The following ST6GALNAC3 variants were observed in gnomAD, a reference collection of about 807,000 sequenced individuals.
ST6GALNAC3 encodes the protein ST6 N-acetylgalactosaminide alpha-2,6-sialyltransferase 3, also known as alpha-N-acetylgalactosaminide alpha-2,6-sialyltransferase 3.
Under a neutral mutation model 32.7 loss-of-function variants are expected in ST6GALNAC3, and 25 were observed. The observed-to-expected ratio is 0.76, with a 90% CI of 0.56 to 1.07. ST6GALNAC3 has a LOEUF of 1.07. ST6GALNAC3 is among the 50% of genes least tolerant of loss of function. ST6GALNAC3 has a pLI of 0.00. For missense variants in ST6GALNAC3, 355 were observed against 382.4 expected (o/e 0.93, Z 0.60); for synonymous variants, 129 against 133.1 (o/e 0.97, Z 0.21).
At chr1:76,470,922 T>A (rs1438010946) in intron 3 of ST6GALNAC3, among the ~76,000 whole-genome samples, 1 of 152,102 alleles carries the variant, frequency 6.6e-6, no homozygotes, top group East Asian at 1.9e-4. Flanking sequence ...GGTAGCCAGG[T>A]CCTTTACAGA....
intron 1 of ST6GALNAC3, among the ~76,000 whole-genome samples, chr1:76,251,241 T>A (rs976040321): frequency 2.0e-5 from 3 of 152,162 alleles, no homozygotes; most frequent in Non-Finnish European, 2.9e-5. Context: ...CTATTCCCAC[T>A]CCTTCGTGTA....
In ST6GALNAC3 at chr1:76,412,437, G is replaced by A. The variant is rs755659437; in HGVS notation, c.623+20G>A. ...GGACAGGTGAGCCCTCTCTGAAGCA[G>A]CTTTATTGTCTTTTATTATCTTTTA... On this transcript the variant is annotated intron_variant, in intron 3 of 4. Transcript: ENST00000328299. The A allele has an allele frequency of 5.6e-5, 87 of 1,559,290 alleles. No individual in the cohort carries two copies. The highest frequency in any genetic ancestry group is 7.2e-5 in the Non-Finnish European group (83 of 1,156,492).
chr1:76,239,731 G>A (rs1478090301), intron 1 of ST6GALNAC3, among the ~76,000 whole-genome samples: 1 of 152,146 alleles, frequency 6.6e-6, no homozygotes, highest in Non-Finnish European at 1.5e-5. Flanking sequence ...TTCAACATGA[G>A]ATTTGGAGGG....
chr1:76,444,184 G>A (rs1359235680), intron 3 of ST6GALNAC3, among the ~76,000 whole-genome samples: 2 of 152,132 alleles, frequency 1.3e-5, no homozygotes, highest in African/African-American at 4.8e-5. Flanking sequence ...CATGGCAGGC[G>A]GTCTTCCACA....
At chr1:76,279,880 G>C (rs1570674158) in intron 1 of ST6GALNAC3, among the ~76,000 whole-genome samples, 1 of 152,162 alleles carries the variant, frequency 6.6e-6, no homozygotes, top group Non-Finnish European at 1.5e-5. Context: ...ACAGCGCACA[G>C]ATATAGGTTA....
chr1:76,365,852 A>G, intron 2 of ST6GALNAC3, among the ~76,000 whole-genome samples: 1 of 152,110 alleles, frequency 6.6e-6, no homozygotes. Context: ...TTTTGTGTCA[A>G]CCGTATTGAT....
chr1:76,325,570 T>A (rs1367405971), intron 2 of ST6GALNAC3, among the ~76,000 whole-genome samples: 1 of 151,462 alleles, frequency 6.6e-6, no homozygotes, highest in Non-Finnish European at 1.5e-5. Flanking sequence ...TTTCCAATAG[T>A]GTTTAATGAT....
chr1:76,444,978 G>T (rs1374825754), intron 3 of ST6GALNAC3, among the ~76,000 whole-genome samples: 1 of 152,192 alleles, frequency 6.6e-6, no homozygotes, highest in Non-Finnish European at 1.5e-5. Context: ...CACAGCTGCT[G>T]ATTTGTCTGA....
chr1:76,315,128 A>T (rs1434214697), intron 2 of ST6GALNAC3, among the ~76,000 whole-genome samples: 1 of 152,054 alleles, frequency 6.6e-6, no homozygotes, highest in East Asian at 1.9e-4. Context: ...AGAATCTTTG[A>T]TGTTTATCCT....
At chr1:76,367,123 T>C (rs569613250) in intron 2 of ST6GALNAC3, among the ~76,000 whole-genome samples, 1 of 152,202 alleles carries the variant, frequency 6.6e-6, no homozygotes, top group African/African-American at 2.4e-5. Flanking sequence ...AAATAGGAGT[T>C]AATACCAAAA....
chr1:76,297,607 A>G (rs893918846), intron 1 of ST6GALNAC3, among the ~76,000 whole-genome samples: 1 of 152,040 alleles, frequency 6.6e-6, no homozygotes, highest in African/African-American at 2.4e-5. Flanking sequence ...CTAGCTGTTA[A>G]TTTGAGCAAA....
chr1:76,339,247 C>T (rs898384788), intron 2 of ST6GALNAC3, among the ~76,000 whole-genome samples: 3 of 152,112 alleles, frequency 2.0e-5, no homozygotes, highest in Admixed American at 6.5e-5. Flanking sequence ...GAAGATTCCC[C>T]TGAATTTTCT....
chr1:76,601,640 A>T (rs1464061089), intron 3 of ST6GALNAC3, among the ~76,000 whole-genome samples: 1 of 152,230 alleles, frequency 6.6e-6, no homozygotes, highest in Non-Finnish European at 1.5e-5. Context: ...CTAATGAGGT[A>T]GGGATAATAA....
At chr1:76,358,474 C>A (rs1477366356) in intron 2 of ST6GALNAC3, among the ~76,000 whole-genome samples, 2 of 152,114 alleles carry the variant, frequency 1.3e-5, no homozygotes. Context: ...ATAAAAAATC[C>A]ATTTCCAAGC....
At chr1:76,607,456 A>G (rs1243764023) in intron 3 of ST6GALNAC3, among the ~76,000 whole-genome samples, 1 of 152,152 alleles carries the variant, frequency 6.6e-6, no homozygotes, top group African/African-American at 2.4e-5. Flanking sequence ...TCCCCTGGCA[A>G]CTAGCCCTAT....
chr1:76,623,578 A>G (rs1648779013), intron 3 of ST6GALNAC3, among the ~76,000 whole-genome samples: 1 of 151,938 alleles, frequency 6.6e-6, no homozygotes, highest in South Asian at 2.1e-4. Context: ...TGCATGAGTG[A>G]CAAATTATGA....
chr1:76,162,425 A>G (rs1262603415), intron 1 of ST6GALNAC3, among the ~76,000 whole-genome samples: 2 of 152,224 alleles, frequency 1.3e-5, no homozygotes, highest in African/African-American at 4.8e-5. Flanking sequence ...AATGATTAAT[A>G]ACATGGCCTT....
intron 2 of ST6GALNAC3, among the ~76,000 whole-genome samples, chr1:76,353,089 T>C (rs1649130750): frequency 6.6e-6 from 1 of 152,010 alleles, no homozygotes; most frequent in South Asian, 2.1e-4. Context: ...ATTACTCCAC[T>C]CCCCTTCTTA....
chr1:76,318,043 CT>C (rs1646898066), intron 2 of ST6GALNAC3, among the ~76,000 whole-genome samples: 2 of 152,054 alleles, frequency 1.3e-5, no homozygotes, highest in Admixed American at 1.3e-4. Context: ...TTAAGCTCTG[CT>C]TCATTTTATC....
Sources: allele counts gnomAD v4.1 joint callset (sites outside exome capture counted in the v4.1 genomes callset), GRCh38; gene constraint gnomAD v4.1.1; transcripts MANE v1.5; gene names NCBI Gene and HGNC (gene_info 2026-07-23, HGNC 2026-07-21).